ZNRF2: variants seen among roughly 807,000 people sequenced by gnomAD.
ZNRF2 encodes the protein E3 ubiquitin-protein ligase ZNRF2.
Under a neutral mutation model 20.4 loss-of-function variants are expected in ZNRF2, and 16 were observed. The ratio of observed to expected loss-of-function variants is 0.79; its 90% CI spans 0.53 to 1.19. ZNRF2 has a LOEUF of 1.19. Ranked by LOEUF, ZNRF2 falls within the 50% of genes most tolerant of loss-of-function variation. The pLI is 0.00. For missense variants in ZNRF2, 363 were observed against 332.4 expected (o/e 1.09, Z -0.72); for synonymous variants, 178 against 144.9 (o/e 1.23, Z -1.64).
intron 2 of ZNRF2, among the ~76,000 whole-genome samples, chr7:30,334,159 T>A (rs1458198260): frequency 6.6e-6 from 1 of 152,072 alleles, no homozygotes; most frequent in Non-Finnish European, 1.5e-5. Flanking sequence ...TCATCTTGCG[T>A]GAATTTTGTT....
chr7:30,314,259 A>T (rs767836896), intron 1 of ZNRF2, among the ~76,000 whole-genome samples: 37 of 152,248 alleles, frequency 2.4e-4, no homozygotes, highest in Middle Eastern at 3.4e-3. Flanking sequence ...TTTTCTAATA[A>T]AGTTGTAATT....
At chr7:30,364,541 T>G (rs1289897040) in intron 4 of ZNRF2, among the ~76,000 whole-genome samples, 1 of 152,124 alleles carries the variant, frequency 6.6e-6, no homozygotes, top group African/African-American at 2.4e-5. Context: ...AGAAGTATAG[T>G]GGTGGAGTGG....
intron 2 of ZNRF2, among the ~76,000 whole-genome samples, chr7:30,350,284 T>TTC (rs1420834841): frequency 1.3e-5 from 2 of 152,080 alleles, no homozygotes; most frequent in African/African-American, 4.8e-5. Flanking sequence ...TAAACTTTTT[T>TTC]TAAAAAGTCA....
At chr7:30,313,372 G>T (rs1009266478) in intron 1 of ZNRF2, among the ~76,000 whole-genome samples, 1 of 152,060 alleles carries the variant, frequency 6.6e-6, no homozygotes, top group Admixed American at 6.6e-5. Flanking sequence ...CTAACATATT[G>T]CTCATGTTAC....
chr7:30,288,928 G>T (rs1798846117), intron 1 of ZNRF2: 1 of 152,132 alleles, frequency 6.6e-6, no homozygotes, highest in South Asian at 2.1e-4. Context: ...CCACTGTCAA[G>T]TAGCTGTTGT....
chr7:30,315,639 A>G lies in ZNRF2; in HGVS notation c.470-8003A>G, dbSNP rs143967024. ...ACTCTTTTTGGACAACACGGAGGGC[A>G]TTTGTTAGGTACACAGTGTGAAACT... On this transcript the variant is annotated intron_variant, in intron 1 of 4. Coordinates refer to ENST00000323037, the MANE Select transcript of ZNRF2 (RefSeq NM_147128.4). 1.7e-3 allele frequency among the ~76,000 whole-genome samples: 240 copies of G among 144,440 alleles called. 2 individuals are homozygous for G. Among genetic ancestry groups the G allele is most frequent in the African/African-American group, 6.1e-3 (233 of 38,284 alleles). The allele number at this position is 144,440 out of a possible 152,430, so 94.8% of individuals were successfully genotyped here. A position where few individuals can be genotyped will look rare whatever the true frequency, so the allele number is the denominator to read the frequency against.
intron 1 of ZNRF2, among the ~76,000 whole-genome samples, chr7:30,297,020 T>C (rs1799030927): frequency 6.6e-6 from 1 of 152,208 alleles, no homozygotes; most frequent in African/African-American, 2.4e-5. Context: ...AGTTGTGAAG[T>C]GTACAGAATC....
intron 1 of ZNRF2, among the ~76,000 whole-genome samples, chr7:30,312,622 A>T (rs1480843960): frequency 6.6e-6 from 1 of 152,198 alleles, no homozygotes; most frequent in East Asian, 1.9e-4. Flanking sequence ...TAGTTCTATG[A>T]AGTAAACAGA....
At chr7:30,298,080 A>T (rs1346668787) in intron 1 of ZNRF2, among the ~76,000 whole-genome samples, 1 of 151,978 alleles carries the variant, frequency 6.6e-6, no homozygotes, top group Non-Finnish European at 1.5e-5. Context: ...TGTTTCTGTA[A>T]TTTTAATTTT....
chr7:30,303,578 A>G (rs919703029), intron 1 of ZNRF2, among the ~76,000 whole-genome samples: 3 of 152,208 alleles, frequency 2.0e-5, no homozygotes, highest in Admixed American at 2.0e-4. Flanking sequence ...ATAAGCTCAT[A>G]GACTATGATA....
chr7:30,289,988 A>T (rs1372656930), intron 1 of ZNRF2: 1 of 457,216 alleles, frequency 2.2e-6, no homozygotes, highest in African/African-American at 2.1e-5. Context: ...TAAACTATTT[A>T]TTATTATTTG....
At chr7:30,345,648 C>T (rs1799864956) in intron 2 of ZNRF2, among the ~76,000 whole-genome samples, 1 of 151,246 alleles carries the variant, frequency 6.6e-6, no homozygotes, top group Non-Finnish European at 1.5e-5. Flanking sequence ...CCTTTTTGTT[C>T]TTTTAGTGGT....
chr7:30,315,729 G>T (rs1799360200), intron 1 of ZNRF2, among the ~76,000 whole-genome samples: 1 of 87,990 alleles, frequency 1.1e-5, no homozygotes, highest in Admixed American at 1.2e-4. Flanking sequence ...AGGTGGGGCG[G>T]GGGGGGGGGG....
intron 1 of ZNRF2, among the ~76,000 whole-genome samples, chr7:30,289,331 AG>A (rs1199698632): frequency 1.3e-5 from 2 of 152,340 alleles, no homozygotes; most frequent in East Asian, 1.9e-4. Context: ...TTAATTTTTA[AG>A]GCAGATGTGA....
At chr7:30,310,385 A>G (rs1049992057) in intron 1 of ZNRF2, among the ~76,000 whole-genome samples, 2 of 152,176 alleles carry the variant, frequency 1.3e-5, no homozygotes, top group East Asian at 3.8e-4. Flanking sequence ...GTTCTTAAAG[A>G]CTTAATCCAG....
At chr7:30,296,267 GC>G (rs1799018790) in intron 1 of ZNRF2, among the ~76,000 whole-genome samples, 1 of 152,266 alleles carries the variant, frequency 6.6e-6, no homozygotes, top group East Asian at 1.9e-4. Flanking sequence ...ACAAATGGAG[GC>G]AGTTATAAAA....
chr7:30,298,445 C>T (rs138390355), intron 1 of ZNRF2, among the ~76,000 whole-genome samples: 1,628 of 152,266 alleles, frequency 0.011, 8 homozygotes, highest in Non-Finnish European at 0.018. Context: ...ATGTAGTGTC[C>T]TCTGTCTGGG....
chr7:30,309,399 C>G (rs1291765134), intron 1 of ZNRF2, among the ~76,000 whole-genome samples: 1 of 152,138 alleles, frequency 6.6e-6, no homozygotes, highest in Non-Finnish European at 1.5e-5. Flanking sequence ...TAAAACTCAG[C>G]ATGTATAATG....
intron 1 of ZNRF2, chr7:30,290,013 T>C: frequency 4.6e-6 from 2 of 436,164 alleles, no homozygotes; most frequent in Non-Finnish European, 9.0e-6. Flanking sequence ...TTAAGGAGAA[T>C]TGCCCTAATA....
Sources: allele counts gnomAD v4.1 joint callset (sites outside exome capture counted in the v4.1 genomes callset), GRCh38; gene constraint gnomAD v4.1.1; transcripts MANE v1.5; gene names NCBI Gene and HGNC (gene_info 2026-07-23, HGNC 2026-07-21).